Variants in SLC26A9 observed in about 807,000 individuals in gnomAD.
SLC26A9 encodes anion transporter/exchanger protein 9.
In SLC26A9, 46 loss-of-function variants were observed where a neutral mutation model predicts 87.1. The ratio of observed to expected loss-of-function variants is 0.53; its 90% CI spans 0.42 to 0.67. The LOEUF is 0.67. Ranked by LOEUF, SLC26A9 falls within the 30% of genes least tolerant of loss-of-function variation. The pLI is 0.00. For synonymous variants in SLC26A9, 437 were observed against 409.1 expected (o/e 1.07, Z -0.82); for missense variants, 927 against 1,018.3 (o/e 0.91, Z 1.22).
intron 10 of SLC26A9, 35 bp downstream of exon 10, chr1:205,927,457 C>T: frequency 6.2e-7 from 1 of 1,601,204 alleles, no homozygotes; most frequent in Non-Finnish European, 8.5e-7. Flanking sequence ...TGTTCTCTTA[C>T]CACCTCCCCC....
chr1:205,924,303 C>T (rs2102581159), intron 13 of SLC26A9, 80 bp downstream of exon 13: 3 of 1,369,404 alleles, frequency 2.2e-6, no homozygotes, highest in Middle Eastern at 2.4e-4. Context: ...TGGACTAAGC[C>T]AGGCCGTGGC....
Position 205,914,982 on chromosome 1 carries a change from G to T in SLC26A9, c.*375C>A, listed in dbSNP as rs1658516744. 6.8e-6 allele frequency: 11 copies of T among 1,614,202 alleles called. No homozygotes were observed. Among genetic ancestry groups the T allele is most frequent in the Non-Finnish European group, 9.3e-6 (11 of 1,180,030 alleles). ...GCTTGTACAGCAGGCCAGCACAGTT[G>T]TACTTGTCCTTCTGTTTTTGGCTCA... is the stretch of plus-strand genomic sequence containing the variant. On this transcript the variant is annotated 3_prime_UTR_variant, in exon 21 of 21. Coordinates refer to ENST00000367135, the MANE Select transcript of SLC26A9 (RefSeq NM_052934.4).
rs76506634 is a variant in SLC26A9 at position 205,927,763 on chromosome 1, A to G, written c.1101+139T>C. 1.7e-3 allele frequency: 2,468 copies of G among 1,445,330 alleles called. 14 individuals are homozygous for G. The highest frequency in any genetic ancestry group is 0.013 in the Middle Eastern group (55 of 4,098). 89.5% of individuals were successfully genotyped at this position (1,445,330 alleles called of 1,614,324 possible). A position where few individuals can be genotyped will look rare whatever the true frequency, so the allele number is the denominator to read the frequency against. On this transcript the variant is annotated intron_variant, in intron 9 of 20. Transcript: ENST00000367135. ...CCAGTCAAGAGGAGGTCAGCCTCTT[A>G]GGGTCAGAGGACCCCCTATCCCCCA... is the stretch of plus-strand genomic sequence containing the variant.
At chr1:205,926,406 C>G in intron 12 of SLC26A9, 129 bp downstream of exon 12, 1 of 758,190 alleles carries the variant, frequency 1.3e-6, no homozygotes, top group Non-Finnish European at 2.3e-6. Context: ...GGACTTTTAA[C>G]CACTCATCTC....
chr1:205,915,100 G>C lies in SLC26A9; in HGVS notation c.*257C>G. 6.2e-7 allele frequency: 1 copy of C among 1,614,090 alleles called. No individual in the cohort carries two copies. The highest frequency in any genetic ancestry group is 1.3e-5 in the African/African-American group (1 of 75,054). On this transcript the variant is annotated 3_prime_UTR_variant, in exon 21 of 21. Coordinates refer to ENST00000367135, the MANE Select transcript of SLC26A9 (RefSeq NM_052934.4). ...GTGAGCAGGAGGCTTGTCCATTGCG[G>C]CCAGGGCCTGACGGGTGAAGAGTGG... is the stretch of plus-strand genomic sequence containing the variant.
rs893395044 is a variant in SLC26A9 at position 205,914,562 on chromosome 1, T to G, written c.*795A>C. On this transcript the variant is annotated 3_prime_UTR_variant, in exon 21 of 21. Transcript: ENST00000367135. ...TTCTGCCAGCTACCCATCCCCCTCT[T>G]TGGGGTTTCTAGCCAGCCTCCAGGG... is the stretch of plus-strand genomic sequence containing the variant. The G allele has an allele frequency of 2.2e-5, 6 of 273,794 alleles. No homozygotes were observed. The highest frequency in any genetic ancestry group is 6.5e-5 in the East Asian group (1 of 15,404). The allele number at this position is 273,794 out of a possible 1,614,324, so 17.0% of individuals were successfully genotyped here.
chr1:205,941,379 C>T (rs1659738271), intron 1 of SLC26A9, among the ~76,000 whole-genome samples: 1 of 152,096 alleles, frequency 6.6e-6, no homozygotes, highest in African/African-American at 2.4e-5. Context: ...GCCATGTTGG[C>T]CAGCCTGGTC....
rs779225799 is a variant in SLC26A9, at chr1:205,927,920, G to T, written c.1083C>A (p.Tyr361Ter). The part of the protein sequence containing the change: ...MGRTLANKHG[Y>*]DVDSNQEMIA... ...GAGCTACCTGGTTCGAATCCACGTC[G>T]TAGCCGTGCTTGTTGGCCAGGGTCC... The change falls in exon 9 of 21, where the codon TAC becomes TAA. Residue 361 changes from tyrosine to a stop codon, truncating the protein, a stop_gained. Transcript: ENST00000367135. LOFTEE classifies it high-confidence loss of function. 6 of 1,614,142 alleles carry T rather than the reference G, an allele frequency of 3.7e-6. No individual in the cohort carries two copies. The highest frequency in any genetic ancestry group is 5.1e-6 in the Non-Finnish European group (6 of 1,179,984).
At position 205,929,007 on chromosome 1, in the gene SLC26A9, C is replaced by T. The variant is rs1424717368; in HGVS notation, c.871-98G>A. 2.0e-6 allele frequency: 3 copies of T among 1,504,400 alleles called. No homozygotes were observed. The Admixed American group carries it at 5.2e-5, about 26-fold the overall frequency. 93.2% of individuals were successfully genotyped at this position (1,504,400 alleles called of 1,614,324 possible). A position where few individuals can be genotyped will look rare whatever the true frequency, so the allele number is the denominator to read the frequency against. ...CCTTTTCTCTGGGGACCCTGAATCC[C>T]ACTCCCCTGCCTCCTTAGGGGGAAT... On this transcript the variant is annotated intron_variant, in intron 7 of 20. Coordinates refer to ENST00000367135, the MANE Select transcript of SLC26A9 (RefSeq NM_052934.4).
intron 1 of SLC26A9, among the ~76,000 whole-genome samples, chr1:205,940,582 C>A (rs1347120252): frequency 2.0e-5 from 3 of 152,174 alleles, no homozygotes; most frequent in Non-Finnish European, 2.9e-5. Flanking sequence ...GGCACTCTGC[C>A]TTTTTTTGGC....
rs762679770 is a variant in SLC26A9 at position 205,930,045 on chromosome 1, G to T, written c.564C>A (p.Gly188=). ...CLTAIIQMGL[G]FMQFGFVAIY... ...TGGCCACAAAGCCAAACTGCATGAA[G>T]CCCAGACCCATCTGAGAGGAGGAAA... The change falls in exon 6 of 21, where the codon GGC becomes GGA. Residue 188 remains glycine, a synonymous_variant. Transcript: ENST00000367135. 35 of 1,601,122 alleles carry T rather than the reference G, an allele frequency of 2.2e-5. 1 individual carries two copies. In the Admixed American group the frequency reaches 5.9e-4, roughly 27 times the overall value.
intron 12 of SLC26A9, among the ~76,000 whole-genome samples, chr1:205,924,971 T>G (rs202014382): frequency 2.3e-4 from 35 of 151,750 alleles, no homozygotes; most frequent in Non-Finnish European, 4.1e-4. Flanking sequence ...TAACTTTTTA[T>G]TTTTCTAGAG....
At chr1:205,937,890 CA>C (rs11390376) in intron 1 of SLC26A9, among the ~76,000 whole-genome samples, 43 of 148,082 alleles carry the variant, frequency 2.9e-4, no homozygotes, top group Non-Finnish European at 3.1e-4. Flanking sequence ...AGACCACTTG[CA>C]AAAAAAAAAA....
chr1:205,917,452 G>C, intron 19 of SLC26A9, 98 bp from the exon 20 acceptor site: 1 of 1,164,790 alleles, frequency 8.6e-7, no homozygotes, highest in Non-Finnish European at 1.3e-6. Flanking sequence ...GGCTCTGGTT[G>C]GACGCTGCTT....
At chr1:205,935,871 G>C (rs769811028) in intron 1 of SLC26A9, 33 bp from the exon 2 acceptor site, 2 of 1,588,962 alleles carry the variant, frequency 1.3e-6, no homozygotes, top group South Asian at 2.3e-5. Flanking sequence ...GAGGGTGAGG[G>C]AACATCCCTC....
chr1:205,935,768 G>A lies in SLC26A9; in HGVS notation c.53C>T (p.Thr18Ile), dbSNP rs1659485550. 4 of 1,613,938 alleles carry A rather than the reference G, an allele frequency of 2.5e-6. No homozygotes were observed. The African/African-American group carries it at 4.0e-5, about 16-fold the overall frequency. ...YVVDRAAYSL[T>I]LFDDEFEKKD... The stretch of plus-strand genomic sequence containing the variant: ...CTTCTCAAACTCATCGTCGAAGAGG[G>A]TAAGGGAGTATGCGGCTCTGTCTAC... Residue 18 changes from threonine (T) to isoleucine (I), a missense_variant, in exon 2 of 21, where the codon ACC becomes ATC. Transcript: ENST00000367135.
At chr1:205,931,828 C>G in intron 5 of SLC26A9, 32 bp downstream of exon 5, 1 of 1,596,110 alleles carries the variant, frequency 6.3e-7, no homozygotes, top group Non-Finnish European at 8.5e-7. Context: ...GGTCTGATGC[C>G]CTTCTAGCAG....
At chr1:205,928,113 T>G in intron 8 of SLC26A9, 64 bp from the exon 9 acceptor site, 1 of 1,563,120 alleles carries the variant, frequency 6.4e-7, no homozygotes, top group Non-Finnish European at 8.7e-7. Flanking sequence ...GCCAAGTCCT[T>G]CACCAGCCCA....
chr1:205,928,238 G>C (rs570336881), intron 8 of SLC26A9, 189 bp from the exon 9 acceptor site: 1 of 701,194 alleles, frequency 1.4e-6, no homozygotes, highest in African/African-American at 1.8e-5. Context: ...GTTTTACAAA[G>C]GAGGAAACTG....
Sources: allele counts gnomAD v4.1 joint callset (sites outside exome capture counted in the v4.1 genomes callset), GRCh38; gene constraint gnomAD v4.1.1; transcripts MANE v1.5; gene names NCBI Gene and HGNC (gene_info 2026-07-23, HGNC 2026-07-21).